The following KAZN variants were observed in gnomAD, a reference collection of about 807,000 sequenced individuals.
KAZN encodes the protein kazrin.
A neutral mutation model predicts 87.4 loss-of-function variants in KAZN; 40 were observed. The observed-to-expected ratio is 0.46, with a 90% CI of 0.36 to 0.60. KAZN has a LOEUF of 0.60. Ranked by LOEUF, KAZN falls within the 20% of genes least tolerant of loss-of-function variation. The pLI is 0.00. For synonymous variants in KAZN, 466 were observed against 458.3 expected, an observed-to-expected ratio of 1.02 and a Z score of -0.22; for missense variants, 898 against 1,073.9, an observed-to-expected ratio of 0.84 and a Z score of 2.29.
intron 2 of KAZN, among the ~76,000 whole-genome samples, chr1:14,427,931 G>T (rs749093442): frequency 1.3e-5 from 2 of 152,166 alleles, no homozygotes; most frequent in African/African-American, 2.4e-5. Flanking sequence ...AAGAGTTCCA[G>T]TATGGATTTC....
chr1:14,681,738 G>A (rs1405965856), intron 1 of KAZN, among the ~76,000 whole-genome samples: 4 of 122,672 alleles, frequency 3.3e-5, no homozygotes, highest in Non-Finnish European at 4.9e-5. Flanking sequence ...GTGCAGTGGC[G>A]CAATCTTGGC....
At chr1:14,699,245 T>C (rs757785743) in intron 1 of KAZN, among the ~76,000 whole-genome samples, 1 of 152,084 alleles carries the variant, frequency 6.6e-6, no homozygotes, top group Non-Finnish European at 1.5e-5. Flanking sequence ...AGGGATGATT[T>C]TGTGGATCTC....
intron 1 of KAZN, among the ~76,000 whole-genome samples, chr1:14,728,193 G>A (rs1454569105): frequency 6.7e-6 from 1 of 150,296 alleles, no homozygotes; most frequent in Non-Finnish European, 1.5e-5. Flanking sequence ...GGCTGAGGCA[G>A]GAGAATCGCT....
chr1:14,276,160 G>GGT lies in KAZN; in HGVS notation c.249+95609_249+95610dup, dbSNP rs5772575. ...CATGGAGCATAGTGTTCGCTATAAG[G>GGT]GTGTGTGTGTGTGTGTGTGTGTGTG... On this transcript the variant is annotated intron_variant, in intron 2 of 16. Coordinates refer to the KAZN transcript ENST00000636203. Among the ~76,000 whole-genome samples the GGT allele has an allele frequency of 4.9e-3, 668 of 135,776 alleles. 3 individuals carry two copies. The highest frequency in any genetic ancestry group is 0.029 in the South Asian group (119 of 4,074). 89.1% of individuals were successfully genotyped at this position (135,776 alleles called of 152,430 possible).
rs185548774 is a variant in KAZN, at chr1:14,978,898, G to A, written c.418+18023G>A. On this transcript the variant is annotated intron_variant, in intron 2 of 14. Transcript: ENST00000376030. Reference sequence around the variant, plus strand: ...TAGGAGGTACAGGAAGAGGGCAGTGGGAGGGAGGTTTTGGGGTATTTTTTG... The same window carrying A: ...TAGGAGGTACAGGAAGAGGGCAGTGAGAGGGAGGTTTTGGGGTATTTTTTG... Among the ~76,000 whole-genome samples, 490 of 152,112 alleles carry A rather than the reference G, an allele frequency of 3.2e-3. 4 individuals carry two copies. The highest frequency in any genetic ancestry group is 0.012 in the South Asian group (57 of 4,816).
intron 1 of KAZN, among the ~76,000 whole-genome samples, chr1:13,999,816 A>C (rs1225794703): frequency 6.6e-6 from 1 of 152,214 alleles, no homozygotes; most frequent in Non-Finnish European, 1.5e-5. Context: ...ACTAATAAAG[A>C]AGAAAGAGAA....
intron 2 of KAZN, among the ~76,000 whole-genome samples, chr1:14,547,921 C>A (rs1673262481): frequency 6.6e-6 from 1 of 151,716 alleles, no homozygotes; most frequent in African/African-American, 2.4e-5. Flanking sequence ...CAACCACTAC[C>A]AAAGTTAGGA....
At chr1:13,931,158 A>C (rs1227195252) in intron 1 of KAZN, among the ~76,000 whole-genome samples, 2 of 152,240 alleles carry the variant, frequency 1.3e-5, no homozygotes, top group African/African-American at 4.8e-5. Flanking sequence ...TGCTGGAAGA[A>C]TTCAATTTTG....
At chr1:14,656,949 T>C (rs1638830612) in intron 1 of KAZN, among the ~76,000 whole-genome samples, 1 of 152,174 alleles carries the variant, frequency 6.6e-6, no homozygotes, top group Admixed American at 6.5e-5. Context: ...GAAACTGAAG[T>C]TGGCGGAGAT....
At chr1:14,147,986 G>T (rs1351017399) in intron 1 of KAZN, among the ~76,000 whole-genome samples, 3 of 152,048 alleles carry the variant, frequency 2.0e-5, no homozygotes, top group Non-Finnish European at 4.4e-5. Flanking sequence ...TTAGGAGGCC[G>T]AGGTGGGAGG....
At chr1:14,899,564 C>T (rs1572768495) in intron 1 of KAZN, among the ~76,000 whole-genome samples, 2 of 152,312 alleles carry the variant, frequency 1.3e-5, no homozygotes, top group South Asian at 4.1e-4. Flanking sequence ...GCATATCTGA[C>T]TTCCTATCCG....
intron 4 of KAZN, among the ~76,000 whole-genome samples, chr1:15,050,076 T>C (rs1674157013): frequency 1.2e-5 from 1 of 86,120 alleles, no homozygotes; most frequent in Non-Finnish European, 2.1e-5. Context: ...TAGAGTAGAG[T>C]AGAGTACAGT....
At chr1:14,650,512 C>T (rs1638293697) in intron 1 of KAZN, among the ~76,000 whole-genome samples, 1 of 152,214 alleles carries the variant, frequency 6.6e-6, no homozygotes, top group South Asian at 2.1e-4. Context: ...GCACTCCACA[C>T]TCCAGCCTGG....
intron 2 of KAZN, among the ~76,000 whole-genome samples, chr1:14,421,203 A>G (rs6662671): frequency 0.46 from 69,495 of 152,118 alleles, 16,630 homozygotes; most frequent in African/African-American, 0.58. Context: ...GTTTGCCCTC[A>G]TTATTCAGGG....
chr1:15,032,027 C>T (rs549595308), intron 2 of KAZN, among the ~76,000 whole-genome samples: 1 of 152,002 alleles, frequency 6.6e-6, no homozygotes, highest in African/African-American at 2.4e-5. Context: ...ATGTATCCAT[C>T]ACAATAACCA....
chr1:14,434,010 C>T (rs1425470736), intron 2 of KAZN, among the ~76,000 whole-genome samples: 1 of 152,212 alleles, frequency 6.6e-6, no homozygotes, highest in African/African-American at 2.4e-5. Flanking sequence ...CGTGCTGGCA[C>T]CCTGATCTTG....
At chr1:14,960,988 C>A in intron 2 of KAZN, 113 bp downstream of exon 2, 1 of 1,130,556 alleles carries the variant, frequency 8.8e-7, no homozygotes. Context: ...TCCCAGCACC[C>A]ACCTCCAGCT....
At chr1:14,634,876 T>TAG (rs1216089416) in intron 1 of KAZN, among the ~76,000 whole-genome samples, 1 of 152,144 alleles carries the variant, frequency 6.6e-6, no homozygotes, top group Non-Finnish European at 1.5e-5. Context: ...TTAGTTATTA[T>TAG]ATGCACGTAA....
At chr1:14,044,121 C>T (rs1641956581) in intron 1 of KAZN, among the ~76,000 whole-genome samples, 2 of 152,100 alleles carry the variant, frequency 1.3e-5, no homozygotes, top group Non-Finnish European at 2.9e-5. Context: ...CTCTCTCTCT[C>T]TCTCCCTCCT....
Sources: allele counts gnomAD v4.1 joint callset (sites outside exome capture counted in the v4.1 genomes callset), GRCh38; gene constraint gnomAD v4.1.1; transcripts MANE v1.5; gene names NCBI Gene and HGNC (gene_info 2026-07-23, HGNC 2026-07-21).